The following MEDAG variants were observed in gnomAD, a reference collection of about 807,000 sequenced individuals.
The protein encoded by MEDAG is mesenteric estrogen dependent adipogenesis.
A neutral mutation model predicts 29.9 loss-of-function variants in MEDAG; 25 were observed. The ratio of observed to expected loss-of-function variants is 0.84; its 90% CI spans 0.61 to 1.17. MEDAG has a LOEUF of 1.17. Among genes scored for constraint, MEDAG ranks in the 50% most tolerant of loss-of-function variants. MEDAG has a pLI of 0.00. For missense variants in MEDAG, 398 were observed against 372.9 expected (o/e 1.07, Z -0.56); for synonymous variants, 158 against 148.2 (o/e 1.07, Z -0.48).
At chr13:30,909,581 A>G (rs1952862940) in intron 1 of MEDAG, among the ~76,000 whole-genome samples, 1 of 152,144 alleles carries the variant, frequency 6.6e-6, no homozygotes, top group South Asian at 2.1e-4. Context: ...AGAAATGTAA[A>G]TATATACCCA....
intron 1 of MEDAG, among the ~76,000 whole-genome samples, chr13:30,913,171 A>G (rs574850687): frequency 1.3e-5 from 2 of 152,262 alleles, no homozygotes; most frequent in East Asian, 3.9e-4. Flanking sequence ...TGTGTTTCCC[A>G]TTACATTGTC....
In MEDAG at chr13:30,921,344, T is replaced by C. The variant is rs75477724; in HGVS notation, c.502-217T>C. Among the ~76,000 whole-genome samples, 28 of 152,330 alleles carry C rather than the reference T, an allele frequency of 1.8e-4. No homozygotes were observed. In the East Asian group the frequency reaches 5.2e-3, roughly 28 times the overall value. On this transcript the variant is annotated intron_variant, in intron 3 of 4. Transcript: ENST00000380482. The stretch of plus-strand genomic sequence containing the variant: ...CCTATTAGAAATGGGTAAGAATAAA[T>C]GTAATTTTGGCCAAGCAGTTCAGAA...
At chr13:30,908,458 T>G (rs1406842251) in intron 1 of MEDAG, among the ~76,000 whole-genome samples, 1 of 152,112 alleles carries the variant, frequency 6.6e-6, no homozygotes, top group East Asian at 1.9e-4. Context: ...TATAACTGAG[T>G]GTGCAGTCCT....
intron 1 of MEDAG, among the ~76,000 whole-genome samples, chr13:30,912,234 T>C (rs9576140): frequency 0.2 from 30,547 of 152,142 alleles, 3,618 homozygotes; most frequent in East Asian, 0.37. Flanking sequence ...TCTAAAAATT[T>C]TGCTTTATTT....
intron 1 of MEDAG, among the ~76,000 whole-genome samples, chr13:30,909,724 G>A (rs1356207996): frequency 6.6e-6 from 1 of 152,106 alleles, no homozygotes; most frequent in Non-Finnish European, 1.5e-5. Flanking sequence ...GGTGTAATTA[G>A]AATTTCTTTC....
At chr13:30,912,029 A>C (rs1952886421) in intron 1 of MEDAG, among the ~76,000 whole-genome samples, 1 of 152,116 alleles carries the variant, frequency 6.6e-6, no homozygotes, top group Non-Finnish European at 1.5e-5. Flanking sequence ...TTCCTTTCTC[A>C]TCTCTGTGTC....
chr13:30,906,651 G>C lies in MEDAG; in HGVS notation c.136G>C (p.Gly46Arg), dbSNP rs1187097973. The change falls in exon 1 of 5, where the codon GGT becomes CGT. Residue 46 changes from glycine to arginine, a missense_variant. Gly to Arg is a moderately radical substitution (Grantham distance 125). Coordinates refer to ENST00000380482, the MANE Select transcript of MEDAG (RefSeq NM_032849.4). ...PLAQLLRLQP[G>R]AFQLSGDQLV... ...GGCTCAGCTGCTGCGCCTGCAGCCC[G>C]GTGCCTTCCAGCTGAGCGGCGACCA... 1 of 1,571,584 alleles carries C rather than the reference G, an allele frequency of 6.4e-7. No individual in the cohort carries two copies. The highest frequency in any genetic ancestry group is 1.7e-5 in the Admixed American group (1 of 57,580).
At chr13:30,910,657 G>A (rs1952873609) in intron 1 of MEDAG, among the ~76,000 whole-genome samples, 1 of 152,242 alleles carries the variant, frequency 6.6e-6, no homozygotes, top group Non-Finnish European at 1.5e-5. Flanking sequence ...GCCTACAAAA[G>A]TAAGTAAGTG....
chr13:30,918,310 T>A (rs1271738970), intron 2 of MEDAG, among the ~76,000 whole-genome samples: 1 of 152,206 alleles, frequency 6.6e-6, no homozygotes, highest in African/African-American at 2.4e-5. Flanking sequence ...TGAACATCAT[T>A]ACTATCAATA....
At chr13:30,914,346 C>G (rs1952907884) in intron 1 of MEDAG, among the ~76,000 whole-genome samples, 1 of 152,150 alleles carries the variant, frequency 6.6e-6, no homozygotes, top group African/African-American at 2.4e-5. Flanking sequence ...AAGTAGGGAT[C>G]TTGGCACAAT....
chr13:30,915,871 A>G (rs535116891), intron 1 of MEDAG, among the ~76,000 whole-genome samples: 3 of 151,610 alleles, frequency 2.0e-5, no homozygotes, highest in East Asian at 2.0e-4. Flanking sequence ...TACTCCTGCC[A>G]TCCTCACCCA....
rs758117009 is a variant in MEDAG at position 30,917,648 on chromosome 13, G to A, written c.388+136G>A. ...GCTTCTGCTTCTGGGGAGGCCTCAG[G>A]AAACTTACAATCATGGTGGAAGGCG... On this transcript the variant is annotated intron_variant, in intron 2 of 4. Transcript: ENST00000380482. 6.3e-4 allele frequency: 381 copies of A among 604,480 alleles called. 1 individual carries two copies. Among genetic ancestry groups the A allele is most frequent in the Non-Finnish European group, 9.4e-4 (323 of 343,990 alleles). 37.4% of individuals were successfully genotyped at this position (604,480 alleles called of 1,614,324 possible).
chr13:30,910,719 G>A (rs115603513), intron 1 of MEDAG, among the ~76,000 whole-genome samples: 2 of 152,216 alleles, frequency 1.3e-5, no homozygotes, highest in Admixed American at 6.5e-5. Context: ...GCTCCTGGAT[G>A]GGTGACAGTC....
chr13:30,909,688 AT>A (rs1448343788), intron 1 of MEDAG, among the ~76,000 whole-genome samples: 4 of 152,126 alleles, frequency 2.6e-5, no homozygotes, highest in African/African-American at 9.7e-5. Flanking sequence ...CTCAACAAAT[AT>A]TTTTGGCATA....
At chr13:30,916,365 G>C (rs1232940498) in intron 1 of MEDAG, 1 of 152,250 alleles carries the variant, frequency 6.6e-6, no homozygotes, top group Non-Finnish European at 1.5e-5. Context: ...GCACTGGAAG[G>C]ACAATCAGCC....
chr13:30,911,258 G>T (rs1952879537), intron 1 of MEDAG, among the ~76,000 whole-genome samples: 1 of 152,132 alleles, frequency 6.6e-6, no homozygotes, highest in Non-Finnish European at 1.5e-5. Context: ...TGAGGAAAAT[G>T]AATGTCTGCA....
rs1953023601 is a variant in MEDAG at position 30,924,571 on chromosome 13, G to A, written c.*136G>A. Reference sequence around the variant, plus strand: ...CCGGCTCCTCCATGGCTTCTATGGAGGACTCCTCTCTTCTGCTTCTGTGGA... The same window carrying A: ...CCGGCTCCTCCATGGCTTCTATGGAAGACTCCTCTCTTCTGCTTCTGTGGA... On this transcript the variant is annotated 3_prime_UTR_variant, in exon 5 of 5. Transcript: ENST00000380482. The A allele has an allele frequency of 3.4e-6, 3 of 877,718 alleles. No homozygotes were observed. The highest frequency in any genetic ancestry group is 3.4e-5 in the African/African-American group (2 of 59,206). 54.4% of individuals were successfully genotyped at this position (877,718 alleles called of 1,614,324 possible).
Position 30,921,019 on chromosome 13 carries a change from A to G in MEDAG, c.394A>G (p.Thr132Ala). Reference protein sequence around the residue: ...QTKKDTSKERTYAFLVNTRHP... With the variant: ...QTKKDTSKERAYAFLVNTRHP... Reference sequence around the variant, plus strand: ...TTCTGCTTGCTAATTTCTAGAAAGGACGTACGCGTTTCTTGTAAACACGAG... The same window carrying G: ...TTCTGCTTGCTAATTTCTAGAAAGGGCGTACGCGTTTCTTGTAAACACGAG... Residue 132 changes from threonine (T) to alanine (A), a missense_variant, in exon 3 of 5, where the codon ACG becomes GCG. Thr to Ala is a moderately conservative substitution (Grantham distance 58). Transcript: ENST00000380482. The G allele has an allele frequency of 6.2e-7, 1 of 1,613,280 alleles. No homozygotes were observed. Among genetic ancestry groups the G allele is most frequent in the Non-Finnish European group, 8.5e-7 (1 of 1,179,486 alleles).
rs1054572635 is a variant in MEDAG at position 30,906,389 on chromosome 13, C to A, written c.-127C>A. On this transcript the variant is annotated 5_prime_UTR_variant, in exon 1 of 5. Coordinates refer to ENST00000380482, the MANE Select transcript of MEDAG (RefSeq NM_032849.4). ...GTCCCGGCCAGGCGGGCAGACCGAC[C>A]CCCTCCTCACCTCGCGCGCGGCTGA... The A allele has an allele frequency of 7.7e-6, 8 of 1,044,944 alleles. No homozygotes were observed. Among genetic ancestry groups the A allele is most frequent in the African/African-American group, 6.7e-5 (4 of 59,770 alleles). 64.7% of individuals were successfully genotyped at this position (1,044,944 alleles called of 1,614,324 possible).
Sources: gnomAD v4.1 joint callset for allele counts (sites outside exome capture counted in the v4.1 genomes callset) on GRCh38, gnomAD v4.1.1 for gene constraint, MANE v1.5 for transcripts, NCBI Gene and HGNC (gene_info 2026-07-23, HGNC 2026-07-21) for gene names.